FRK: variants seen among roughly 807,000 people sequenced by gnomAD.
The protein encoded by FRK is fyn related Src family tyrosine kinase.
A neutral mutation model predicts 56.4 loss-of-function variants in FRK; 51 were observed. The ratio of observed to expected loss-of-function variants is 0.90; its 90% CI spans 0.72 to 1.14. The LOEUF is 1.14. FRK is among the 50% of genes most tolerant of loss of function. The probability of loss-of-function intolerance (pLI) is 0.00; values close to 1 mark genes in which losing one functional copy is unlikely to be tolerated. For synonymous variants in FRK, 245 were observed against 217.9 expected, an observed-to-expected ratio of 1.12 and a Z score of -1.10; for missense variants, 570 against 601.4, an observed-to-expected ratio of 0.95 and a Z score of 0.55.
At chr6:116,062,888 C>T (rs1463352460), upstream of FRK, among the ~76,000 whole-genome samples, 1 of 152,180 alleles carries the variant, frequency 6.6e-6, no homozygotes, top group Admixed American at 6.5e-5. Flanking sequence ...ATTTATTCCA[C>T]AAACTTTTTT....
chr6:116,088,023 G>A, the FRK span, among the ~76,000 whole-genome samples: 5 of 152,158 alleles, frequency 3.3e-5, no homozygotes, highest in East Asian at 1.9e-4. Context: ...AGGAGCCAGC[G>A]GGTAAACACT....
chr6:116,088,357 C>T, the FRK span, among the ~76,000 whole-genome samples: 1 of 152,156 alleles, frequency 6.6e-6, no homozygotes, highest in Non-Finnish European at 1.5e-5. Flanking sequence ...CTCAATACCT[C>T]AGTGCACAAT....
chr6:116,096,798 G>C, the FRK span, among the ~76,000 whole-genome samples: 3 of 152,336 alleles, frequency 2.0e-5, no homozygotes, highest in Admixed American at 2.0e-4. Context: ...TGCTGTGGAA[G>C]CTTTGTTCTT....
chr6:116,073,197 TTCTC>T, the FRK span, among the ~76,000 whole-genome samples: 7 of 152,290 alleles, frequency 4.6e-5, no homozygotes, highest in South Asian at 1.5e-3. Flanking sequence ...TTTATTCAGA[TTCTC>T]TATGCTCTAA....
chr6:116,085,157 T>A, the FRK span, among the ~76,000 whole-genome samples: 1 of 152,136 alleles, frequency 6.6e-6, no homozygotes, highest in Admixed American at 6.5e-5. Flanking sequence ...TCATTAAAAA[T>A]TAAGAAATAA....
intron 5 of FRK, among the ~76,000 whole-genome samples, chr6:115,955,465 T>G (rs1482090220): frequency 6.6e-6 from 1 of 152,194 alleles, no homozygotes; most frequent in Non-Finnish European, 1.5e-5. Context: ...ATTTAATAGC[T>G]GAGTTTAATC....
At chr6:116,071,307 G>A in the FRK span, among the ~76,000 whole-genome samples, 1 of 152,094 alleles carries the variant, frequency 6.6e-6, no homozygotes, top group Non-Finnish European at 1.5e-5. Context: ...TCTTCACAAA[G>A]GAAGGTATTC....
At chr6:115,999,757 G>A (rs1774980845) in intron 2 of FRK, among the ~76,000 whole-genome samples, 1 of 152,150 alleles carries the variant, frequency 6.6e-6, no homozygotes. Flanking sequence ...GTAATCAACA[G>A]TCAGCAATTG....
chr6:115,967,418 T>C lies in FRK; in HGVS notation c.799+133A>G, dbSNP rs933687033. ...GCCTTATCCATAGGTTGGGGTCACCTGGGCTAGAGACAATGACCACAACAC... is the reference window on the plus strand; with the variant it reads ...GCCTTATCCATAGGTTGGGGTCACCCGGGCTAGAGACAATGACCACAACAC... On this transcript the variant is annotated intron_variant, in intron 4 of 7. Transcript: ENST00000606080. The C allele has an allele frequency of 1.1e-5, 8 of 752,250 alleles. No individual in the cohort carries two copies. In the Admixed American group the frequency reaches 1.5e-4, roughly 14 times the overall value. The allele number at this position is 752,250 out of a possible 1,614,324, so 46.6% of individuals were successfully genotyped here.
intron 4 of FRK, among the ~76,000 whole-genome samples, chr6:115,966,524 G>A (rs1057452989): frequency 6.6e-6 from 1 of 152,158 alleles, no homozygotes; most frequent in African/African-American, 2.4e-5. Context: ...GAACCATGGT[G>A]TTACCCTATG....
At chr6:116,034,441 A>G (rs1428799129) in intron 1 of FRK, among the ~76,000 whole-genome samples, 1 of 152,180 alleles carries the variant, frequency 6.6e-6, no homozygotes, top group South Asian at 2.1e-4. Context: ...AACAAGTATT[A>G]CGATATGGAA....
the FRK span, among the ~76,000 whole-genome samples, chr6:116,092,188 C>T: frequency 7.9e-5 from 12 of 152,106 alleles, no homozygotes; most frequent in African/African-American, 1.7e-4. Flanking sequence ...AAAGCCCTGT[C>T]GGGTGGGGAC....
At chr6:115,997,789 T>G (rs1774897468) in intron 2 of FRK, among the ~76,000 whole-genome samples, 1 of 152,206 alleles carries the variant, frequency 6.6e-6, no homozygotes, top group Admixed American at 6.5e-5. Flanking sequence ...AAAAGAATCC[T>G]GGGAACTCTT....
intron 1 of FRK, among the ~76,000 whole-genome samples, chr6:116,035,570 G>T (rs1776447807): frequency 6.6e-6 from 1 of 152,096 alleles, no homozygotes; most frequent in Non-Finnish European, 1.5e-5. Context: ...CACTAGCAAA[G>T]TATTAGCACA....
intron 2 of FRK, among the ~76,000 whole-genome samples, chr6:115,976,711 C>G (rs1774005105): frequency 6.6e-6 from 1 of 152,080 alleles, no homozygotes; most frequent in Admixed American, 6.6e-5. Context: ...GTTCTCTGAC[C>G]TTAGGCAAGG....
the FRK span, among the ~76,000 whole-genome samples, chr6:116,077,882 AGGTGCAGT>A: frequency 1.3e-5 from 2 of 152,348 alleles, no homozygotes; most frequent in African/African-American, 4.8e-5. Flanking sequence ...AAAATTGGCC[AGGTGCAGT>A]GGCTCATGCC....
At chr6:116,056,624 A>C (rs1410073099) in intron 1 of FRK, among the ~76,000 whole-genome samples, 1 of 152,220 alleles carries the variant, frequency 6.6e-6, no homozygotes, top group Non-Finnish European at 1.5e-5. Context: ...TCTAATATTT[A>C]TATGTTATTT....
upstream of FRK, among the ~76,000 whole-genome samples, chr6:116,062,931 G>C (rs1304502078): frequency 6.6e-6 from 1 of 152,148 alleles, no homozygotes; most frequent in Non-Finnish European, 1.5e-5. Flanking sequence ...CTGGGCACCA[G>C]ACAGAAAACA....
intron 1 of FRK, among the ~76,000 whole-genome samples, chr6:116,030,539 A>G (rs977196053): frequency 6.6e-5 from 10 of 152,104 alleles, no homozygotes; most frequent in African/African-American, 2.4e-4. Context: ...GTCACCAGAA[A>G]GAACAAGCCA....
Sources: gnomAD v4.1 joint callset for allele counts (sites outside exome capture counted in the v4.1 genomes callset) on GRCh38, gnomAD v4.1.1 for gene constraint, MANE v1.5 for transcripts, NCBI Gene and HGNC (gene_info 2026-07-23, HGNC 2026-07-21) for gene names.